The following LMO7 variants were observed in gnomAD, a reference collection of about 807,000 sequenced individuals.
LMO7 encodes the protein LIM domain only protein 7.
Under a neutral mutation model 206.5 loss-of-function variants are expected in LMO7, and 120 were observed. The observed-to-expected ratio is 0.58, with a 90% CI of 0.50 to 0.68. The LOEUF is 0.68. LMO7 is among the 30% of genes least tolerant of loss of function. The pLI is 0.00. For missense variants in LMO7, 1,959 were observed against 1,957.9 expected (o/e 1.00, Z -0.01); for synonymous variants, 706 against 681.5 (o/e 1.04, Z -0.56).
intron 1 of LMO7, among the ~76,000 whole-genome samples, chr13:75,644,829 G>A (rs2036870506): frequency 6.6e-6 from 1 of 152,040 alleles, no homozygotes; most frequent in African/African-American, 2.4e-5. Context: ...ACAAGGTCTC[G>A]CTTTGTTTCC....
chr13:75,852,991 A>G (rs1331889832), intron 27 of LMO7, 101 bp from the exon 28 acceptor site: 1 of 954,588 alleles, frequency 1.0e-6, no homozygotes, highest in Non-Finnish European at 1.5e-6. Flanking sequence ...ATATCCACAT[A>G]TAAAATATAA....
chr13:75,641,716 G>A (rs543063313), intron 1 of LMO7, among the ~76,000 whole-genome samples: 1 of 152,196 alleles, frequency 6.6e-6, no homozygotes, highest in Admixed American at 6.5e-5. Context: ...GTGCAGTGCT[G>A]TGATCTTGGC....
Position 75,761,039 on chromosome 13 carries a change from G to A in LMO7, c.317+1G>A. On this transcript the variant is annotated splice_donor_variant, in intron 4 of 30. Coordinates refer to ENST00000377534, the MANE Select transcript of LMO7 (RefSeq NM_001306080.2). LOFTEE classifies it high-confidence loss of function. Reference sequence around the variant, plus strand: ...ATTTATCAAATCGAGTCACTGTCAAGTAAGTTTCAACAGTTTGTTAGATAT... The same window carrying A: ...ATTTATCAAATCGAGTCACTGTCAAATAAGTTTCAACAGTTTGTTAGATAT... 6.3e-7 allele frequency: 1 copy of A among 1,593,008 alleles called. No individual in the cohort carries two copies. Among genetic ancestry groups the A allele is most frequent in the Non-Finnish European group, 8.6e-7 (1 of 1,166,184 alleles).
intron 1 of LMO7, among the ~76,000 whole-genome samples, chr13:75,709,445 C>G (rs1226297540): frequency 6.6e-6 from 1 of 151,716 alleles, no homozygotes; most frequent in Non-Finnish European, 1.5e-5. Flanking sequence ...TTCTCCATAT[C>G]CTCTCCAGCA....
chr13:75,684,960 C>T (rs1440834593), intron 1 of LMO7, among the ~76,000 whole-genome samples: 3 of 152,136 alleles, frequency 2.0e-5, no homozygotes, highest in African/African-American at 7.2e-5. Flanking sequence ...ATTGTAGCGG[C>T]CCCTTTAAGG....
chr13:75,637,288 G>A (rs2036025168), intron 1 of LMO7, among the ~76,000 whole-genome samples: 1 of 152,172 alleles, frequency 6.6e-6, no homozygotes, highest in South Asian at 2.1e-4. Context: ...CCAGGGGGTA[G>A]GGGCCGGGGC....
intron 1 of LMO7, among the ~76,000 whole-genome samples, chr13:75,685,175 G>A (rs979456233): frequency 2.0e-5 from 3 of 152,048 alleles, no homozygotes; most frequent in African/African-American, 4.8e-5. Flanking sequence ...AGTATCTTTC[G>A]GTTTAGATTT....
rs1265945396 is a variant in LMO7 at position 75,858,048 on chromosome 13, A to G, written c.*105A>G. The G allele has an allele frequency of 7.2e-7, 1 of 1,389,358 alleles. No individual in the cohort carries two copies. Among genetic ancestry groups the G allele is most frequent in the South Asian group, 1.3e-5 (1 of 77,326 alleles). 86.1% of individuals were successfully genotyped at this position (1,389,358 alleles called of 1,614,324 possible). A position where few individuals can be genotyped will look rare whatever the true frequency, so the allele number is the denominator to read the frequency against. Reference sequence around the variant, plus strand: ...GTATGTCTTTTTTGCTTTTTTTTTAAAAAAAAGAATAACTTTTTTTGCCTC... The same window carrying G: ...GTATGTCTTTTTTGCTTTTTTTTTAGAAAAAAGAATAACTTTTTTTGCCTC... On this transcript the variant is annotated 3_prime_UTR_variant, in exon 31 of 31. Coordinates refer to ENST00000377534, the MANE Select transcript of LMO7 (RefSeq NM_001306080.2).
At chr13:75,813,050 T>C (rs1240834495) in intron 11 of LMO7, among the ~76,000 whole-genome samples, 1 of 152,226 alleles carries the variant, frequency 6.6e-6, no homozygotes, top group Admixed American at 6.5e-5. Context: ...ATGTGGCTTG[T>C]GAGTGGTAGA....
Position 75,741,466 on chromosome 13 carries a change from G to T in LMO7, c.210+14368G>T, listed in dbSNP as rs566625719. Among the ~76,000 whole-genome samples, 4 of 152,124 alleles carry T rather than the reference G, an allele frequency of 2.6e-5. No homozygotes were observed. The East Asian group carries it at 7.7e-4, about 29-fold the overall frequency. ...CTGGCCATTGTCCTTGATGAACATCGATGCAAAAATCCTCAACAAAACACC... is the reference window on the plus strand; with the variant it reads ...CTGGCCATTGTCCTTGATGAACATCTATGCAAAAATCCTCAACAAAACACC... On this transcript the variant is annotated intron_variant, in intron 3 of 30. Transcript: ENST00000377534.
At chr13:75,838,453 TAAAAAAA>T (rs35202291) in intron 20 of LMO7, 24 of 206,116 alleles carry the variant, frequency 1.2e-4, no homozygotes, top group Admixed American at 1.4e-4. Flanking sequence ...TTTAACTTTG[TAAAAAAA>T]AAAAAAAAAA....
At chr13:75,728,075 G>A (rs975556725) in intron 3 of LMO7, among the ~76,000 whole-genome samples, 9 of 151,872 alleles carry the variant, frequency 5.9e-5, no homozygotes, top group African/African-American at 1.9e-4. Context: ...GAATAGTGCC[G>A]CAATAAACAC....
chr13:75,756,297 G>T (rs937647537), intron 3 of LMO7, among the ~76,000 whole-genome samples: 3 of 152,164 alleles, frequency 2.0e-5, no homozygotes, highest in African/African-American at 4.8e-5. Context: ...CAGAAGATCT[G>T]TAGTATCTTT....
At chr13:75,818,653 C>T (rs1018632719) in intron 12 of LMO7, among the ~76,000 whole-genome samples, 3 of 152,110 alleles carry the variant, frequency 2.0e-5, no homozygotes, top group Admixed American at 6.5e-5. Context: ...GTTCCTGCCA[C>T]GTGTTCCTTA....
intron 1 of LMO7, among the ~76,000 whole-genome samples, chr13:75,684,350 C>T (rs2139546846): frequency 6.6e-6 from 1 of 152,188 alleles, no homozygotes; most frequent in Non-Finnish European, 1.5e-5. Flanking sequence ...TCAAGCGATT[C>T]CCTGCCTCAG....
At chr13:75,686,279 A>T (rs2040983025) in intron 1 of LMO7, among the ~76,000 whole-genome samples, 1 of 152,178 alleles carries the variant, frequency 6.6e-6, no homozygotes, top group Admixed American at 6.5e-5. Context: ...GGTGAAAGGC[A>T]TGTTTACCTG....
chr13:75,853,998 C>T (rs979903434), intron 28 of LMO7, among the ~76,000 whole-genome samples: 8 of 152,066 alleles, frequency 5.3e-5, no homozygotes, highest in Non-Finnish European at 1.0e-4. Flanking sequence ...CAGCTGGATT[C>T]GGTGGGGAAT....
intron 2 of LMO7, among the ~76,000 whole-genome samples, chr13:75,625,423 G>T (rs1019768959): frequency 2.7e-4 from 3 of 11,182 alleles, no homozygotes; most frequent in Admixed American, 2.6e-3. Flanking sequence ...GCAAGTGTGT[G>T]TGCATGTGTG....
In LMO7 at chr13:75,636,745, T is replaced by G. The variant is rs962423422; in HGVS notation, c.69+19T>G. 1.3e-6 allele frequency: 2 copies of G among 1,597,050 alleles called. No individual in the cohort carries two copies. Among genetic ancestry groups the G allele is most frequent in the Non-Finnish European group, 1.7e-6 (2 of 1,172,172 alleles). On this transcript the variant is annotated intron_variant, in intron 1 of 30. Transcript: ENST00000377534. ...GGTGGAGGTGAGTGCCTTTCACTGC[T>G]TTCCCTTCCGCAGGTGTTGACTGCC... is the stretch of plus-strand genomic sequence containing the variant.
Sources: allele counts gnomAD v4.1 joint callset (sites outside exome capture counted in the v4.1 genomes callset), GRCh38; gene constraint gnomAD v4.1.1; transcripts MANE v1.5; gene names NCBI Gene and HGNC (gene_info 2026-07-23, HGNC 2026-07-21).